The following PCDHGB1 variants were observed in gnomAD, a reference collection of about 807,000 sequenced individuals.
PCDHGB1 encodes the protein protocadherin gamma-B1.
A neutral mutation model predicts 56.6 loss-of-function variants in PCDHGB1; 34 were observed. The observed-to-expected ratio is 0.60, with a 90% CI of 0.46 to 0.80. PCDHGB1 has a LOEUF of 0.80. Ranked by LOEUF, PCDHGB1 falls within the 30% of genes least tolerant of loss-of-function variation. The pLI, the probability that PCDHGB1 is intolerant of heterozygous loss-of-function variation, is 0.00. For missense variants in PCDHGB1, 1,278 were observed against 1,204.6 expected, an observed-to-expected ratio of 1.06 and a Z score of -0.90; for synonymous variants, 561 against 505.9, an observed-to-expected ratio of 1.11 and a Z score of -1.46.
intron 1 of PCDHGB1, among the ~76,000 whole-genome samples, chr5:141,433,395 CTA>C (rs1426636882): frequency 1.1e-4 from 17 of 150,770 alleles, no homozygotes; most frequent in African/African-American, 4.1e-4. Flanking sequence ...ATCTATCTAT[CTA>C]TCTATCTATT....
chr5:141,421,420 G>C, intron 1 of PCDHGB1: 1 of 1,614,084 alleles, frequency 6.2e-7, no homozygotes, highest in Non-Finnish European at 8.5e-7. Context: ...GAAGCGCGGA[G>C]TCCGCATCGT....
At chr5:141,365,782 C>G in intron 1 of PCDHGB1, 1 of 1,613,910 alleles carries the variant, frequency 6.2e-7, no homozygotes, top group Non-Finnish European at 8.5e-7. Flanking sequence ...GCGGCGACAA[C>G]GCTCGAGTCA....
rs200349213 is a variant in PCDHGB1 at position 141,425,728 on chromosome 5, GGAT to G, written c.2410-69077_2410-69075del. Among the ~76,000 whole-genome samples the G allele has an allele frequency of 9.8e-4, 149 of 152,196 alleles. 2 individuals carry two copies. In the East Asian group the frequency reaches 0.027, roughly 28 times the overall value. ...AAAATTTTCCCATACCACTTGATGG[GGAT>G]GTTTTCCCACAAGGTTTTTGTTCTA... On this transcript the variant is annotated intron_variant, in intron 1 of 3. Transcript: ENST00000523390.
intron 1 of PCDHGB1, chr5:141,372,625 G>T: frequency 6.2e-7 from 1 of 1,614,000 alleles, no homozygotes; most frequent in Non-Finnish European, 8.5e-7. Flanking sequence ...CCCACCTACA[G>T]CGAAAGGACT....
chr5:141,464,402 G>GAT (rs1039725208), intron 1 of PCDHGB1, among the ~76,000 whole-genome samples: 22 of 150,720 alleles, frequency 1.5e-4, no homozygotes, highest in Admixed American at 7.3e-4. Context: ...AAGAACCTGA[G>GAT]ATATATATAT....
At position 141,481,880 on chromosome 5, in the gene PCDHGB1, C is replaced by T. The variant is rs555652518; in HGVS notation, c.2410-12927C>T. Among the ~76,000 whole-genome samples, 5 of 145,406 alleles carry T rather than the reference C, an allele frequency of 3.4e-5. No individual in the cohort carries two copies. The East Asian group carries it at 1.0e-3, about 29-fold the overall frequency. On this transcript the variant is annotated intron_variant, in intron 1 of 3. Transcript: ENST00000523390. ...AGTGAGCCGAGATCGCGCCACTGCA[C>T]TCCAGCCTGGGTGAAAGAGCGAAAC...
In PCDHGB1 at chr5:141,351,711, C is replaced by T. The variant is rs754862766; in HGVS notation, c.1451C>T (p.Ser484Phe). Reference protein sequence around the residue: ...DPDLGPNGRVSYSILASDLEP... With the variant: ...DPDLGPNGRVFYSILASDLEP... Reference sequence around the variant, plus strand: ...GATTTGGGACCCAACGGCAGAGTCTCCTACTCTATTCTGGCCAGTGACCTG... The same window carrying T: ...GATTTGGGACCCAACGGCAGAGTCTTCTACTCTATTCTGGCCAGTGACCTG... Residue 484 changes from serine to phenylalanine, a missense_variant, in exon 1 of 4, where the codon TCC (serine) becomes TTC (phenylalanine). Coordinates refer to ENST00000523390, the MANE Select transcript of PCDHGB1 (RefSeq NM_018922.3). The T allele has an allele frequency of 1.2e-6, 2 of 1,613,916 alleles. No individual in the cohort carries two copies. Among genetic ancestry groups the T allele is most frequent in the Non-Finnish European group, 1.7e-6 (2 of 1,179,912 alleles).
chr5:141,420,458 C>A, intron 1 of PCDHGB1: 3 of 925,194 alleles, frequency 3.2e-6, no homozygotes, highest in Non-Finnish European at 2.9e-6. Context: ...TCCTACTATT[C>A]AAAGACATTT....
At position 141,511,112 on chromosome 5, in the gene PCDHGB1, G is replaced by A. The variant is rs767257788; in HGVS notation, c.2723G>A (p.Gly908Asp). The change falls in exon 4 of 4, where the codon GGC (glycine) becomes GAC (aspartate). Residue 908 changes from glycine (G) to aspartate (D), a missense_variant. Transcript: ENST00000523390. ...ACCAACGCAGCTGGCAAGCGGGATGGCAAGGCCCCAGCAGGTGGCAATGGC... is the reference window on the plus strand; with the variant it reads ...ACCAACGCAGCTGGCAAGCGGGATGACAAGGCCCCAGCAGGTGGCAATGGC... The part of the protein sequence containing the change: ...TLTNAAGKRD[G>D]KAPAGGNGNK... 1 of 1,614,232 alleles carries A rather than the reference G, an allele frequency of 6.2e-7. No individual in the cohort carries two copies.
intron 1 of PCDHGB1, chr5:141,356,856 G>A (rs751780680): frequency 1.9e-6 from 3 of 1,614,198 alleles, no homozygotes; most frequent in East Asian, 2.2e-5. Context: ...GCCTCTTTGT[G>A]CTGGACCAGA....
chr5:141,360,599 A>G (rs1320690569), intron 1 of PCDHGB1: 2 of 1,613,866 alleles, frequency 1.2e-6, no homozygotes, highest in Non-Finnish European at 1.7e-6. Flanking sequence ...TTTCCACTTG[A>G]CCCAGCCCTG....
At position 141,350,831 on chromosome 5, in the gene PCDHGB1, T is replaced by G; in HGVS notation, c.571T>G (p.Leu191Val). The part of the protein sequence containing the change: ...ESPDGSKYPV[L>V]LLEKPLDREH... ...TCCTGATGGAAGTAAATATCCGGTA[T>G]TACTGCTGGAAAAACCTCTAGACAG... The change falls in exon 1 of 4, where the codon TTA becomes GTA. Residue 191 changes from leucine to valine, a missense_variant. By Grantham distance (32) the Leu-to-Val change is conservative (BLOSUM62 1). Coordinates refer to ENST00000523390, the MANE Select transcript of PCDHGB1 (RefSeq NM_018922.3). 6.2e-7 allele frequency: 1 copy of G among 1,614,060 alleles called. No individual in the cohort carries two copies. The highest frequency in any genetic ancestry group is 8.5e-7 in the Non-Finnish European group (1 of 1,179,898).
intron 1 of PCDHGB1, chr5:141,408,319 G>T: frequency 6.2e-7 from 1 of 1,613,896 alleles, no homozygotes; most frequent in Non-Finnish European, 8.5e-7. Context: ...CGATTCCGGA[G>T]GAGCTGGCCA....
chr5:141,357,655 G>A lies in PCDHGB1; in HGVS notation c.2409+4986G>A, dbSNP rs369881660. The A allele has an allele frequency of 1.8e-5, 29 of 1,606,982 alleles. 1 individual carries two copies. Among genetic ancestry groups the A allele is most frequent in the South Asian group, 8.9e-5 (8 of 90,294 alleles). On this transcript the variant is annotated intron_variant, in intron 1 of 3. Coordinates refer to ENST00000523390, the MANE Select transcript of PCDHGB1 (RefSeq NM_018922.3). ...ATCTTATAATAGATCATACCACACTGAAATATAGACAAAGAGTTGTGTAAA... is the reference window on the plus strand; with the variant it reads ...ATCTTATAATAGATCATACCACACTAAAATATAGACAAAGAGTTGTGTAAA...
chr5:141,365,668 T>C, intron 1 of PCDHGB1: 1 of 1,613,456 alleles, frequency 6.2e-7, no homozygotes, highest in Non-Finnish European at 8.5e-7. Flanking sequence ...CAGACGTTAA[T>C]GACAACCCAC....
chr5:141,414,776 T>G (rs766689016), intron 1 of PCDHGB1: 14 of 1,614,212 alleles, frequency 8.7e-6, no homozygotes, highest in Non-Finnish European at 1.1e-5. Context: ...GAGCTACAGA[T>G]GCAGGTGACA....
chr5:141,371,078 C>G (rs776361776), intron 1 of PCDHGB1: 7 of 1,613,888 alleles, frequency 4.3e-6, no homozygotes, highest in Non-Finnish European at 5.9e-6. Context: ...CCACCCAGAT[C>G]AGGGTAATTG....
chr5:141,407,919 C>A, intron 1 of PCDHGB1: 1 of 472,082 alleles, frequency 2.1e-6, no homozygotes, highest in Non-Finnish European at 3.7e-6. Flanking sequence ...GGCTGCTGTC[C>A]CGCACGGAGC....
intron 1 of PCDHGB1, chr5:141,428,075 A>G (rs1427780901): frequency 5.0e-6 from 8 of 1,609,154 alleles, no homozygotes; most frequent in Non-Finnish European, 4.2e-6. Context: ...CAGATTCGGG[A>G]CACAACGCTT....
Sources: gnomAD v4.1 joint callset for allele counts (sites outside exome capture counted in the v4.1 genomes callset) on GRCh38, gnomAD v4.1.1 for gene constraint, MANE v1.5 for transcripts, NCBI Gene and HGNC (gene_info 2026-07-23, HGNC 2026-07-21) for gene names.